DNM2: variants seen among roughly 807,000 people sequenced by gnomAD.
DNM2 encodes dynamin 2, also known as dynamin-2.
Under a neutral mutation model 99.0 loss-of-function variants are expected in DNM2, and 15 were observed. The observed-to-expected ratio is 0.15, with a 90% confidence interval of 0.10 to 0.23. The LOEUF is 0.23. DNM2 is among the 10% of genes least tolerant of loss of function. DNM2 has a pLI of 1.00. For synonymous variants in DNM2, 525 were observed against 481.2 expected (o/e 1.09, Z -1.19); for missense variants, 742 against 1,189.4 (o/e 0.62, Z 5.53).
In DNM2 at chr19:10,811,774, TCAAAA is replaced by T. The variant is rs751961744; in HGVS notation, c.1558-489_1558-485del. ...CCAGCCTGAAACCCTGATGTGTCAG[TCAAAA>T]GGATGACCACCAGGCTTGCAGCCAG... On this transcript the variant is annotated intron_variant, in intron 14 of 20. Coordinates refer to ENST00000389253, the MANE Select transcript of DNM2 (RefSeq NM_001005361.3). This position sits in a 1 kb window ranked among gnomAD's most constrained non-coding sequence, Gnocchi z 5.4. 1.9e-6 allele frequency: 1 copy of T among 518,382 alleles called. No homozygotes were observed. The highest frequency in any genetic ancestry group is 1.9e-5 in the African/African-American group (1 of 51,918). 32.1% of individuals were successfully genotyped at this position (518,382 alleles called of 1,614,324 possible). A position where few individuals can be genotyped will look rare whatever the true frequency, so the allele number is the denominator to read the frequency against.
chr19:10,771,649 A>G (rs535632710), intron 2 of DNM2, among the ~76,000 whole-genome samples: 2 of 152,286 alleles, frequency 1.3e-5, no homozygotes, highest in South Asian at 4.1e-4. Context: ...GGACTTGGGC[A>G]TCGAACTCCC....
chr19:10,794,622 G>C (rs1268546069), intron 8 of DNM2, among the ~76,000 whole-genome samples: 1 of 151,922 alleles, frequency 6.6e-6, no homozygotes, highest in Non-Finnish European at 1.5e-5. Flanking sequence ...TGTGCCTGTA[G>C]TCCTAGCTAC....
At chr19:10,788,353 C>T (rs907355157) in intron 7 of DNM2, among the ~76,000 whole-genome samples, 4 of 152,124 alleles carry the variant, frequency 2.6e-5, no homozygotes, top group Non-Finnish European at 4.4e-5. Flanking sequence ...AGGACTGGGC[C>T]GGGCATGTCA....
At position 10,825,694 on chromosome 19, in the gene DNM2, A is replaced by G. The variant is rs199792059; in HGVS notation, c.2058+473A>G. ...AAGAAAAGAGAGAGAGAGAGAGAGA[A>G]AAATACAAAAAGTAGCCGGGCATGG... is the stretch of plus-strand genomic sequence containing the variant. On this transcript the variant is annotated intron_variant, in intron 18 of 20. Coordinates refer to ENST00000389253, the MANE Select transcript of DNM2 (RefSeq NM_001005361.3). Among the ~76,000 whole-genome samples the G allele has an allele frequency of 9.2e-4, 132 of 143,898 alleles. 1 individual carries two copies. Among genetic ancestry groups the G allele is most frequent in the Admixed American group, 1.2e-3 (18 of 14,806 alleles). The allele number at this position is 143,898 out of a possible 152,430, so 94.4% of individuals were successfully genotyped here.
rs749154067 is a variant in DNM2, at chr19:10,798,502, G to A, written c.1352G>A (p.Arg451Gln). 26 of 1,613,890 alleles carry A rather than the reference G, an allele frequency of 1.6e-5. No individual in the cohort carries two copies. The highest frequency in any genetic ancestry group is 1.6e-4 in the East Asian group (7 of 44,858). ...KCAEKLSSYP[R>Q]LREETERIVT... is the part of the protein sequence containing the mutation. ...TTCCCCCAGCTCAGTTCCTACCCCC[G>A]GTTGCGAGAGGAGACAGAGCGAATC... The change falls in exon 11 of 21, where the codon CGG becomes CAG. Residue 451 changes from arginine to glutamine, a missense_variant. By Grantham distance (43) the Arg-to-Gln change is conservative. Coordinates refer to ENST00000389253, the MANE Select transcript of DNM2 (RefSeq NM_001005361.3).
chr19:10,816,435 C>T lies in DNM2; in HGVS notation c.1672-3545C>T, dbSNP rs578097635. 1.3e-5 allele frequency among the ~76,000 whole-genome samples: 2 copies of T among 152,250 alleles called. No individual in the cohort carries two copies. The highest frequency in any genetic ancestry group is 4.1e-4 in the South Asian group (2 of 4,830). Reference sequence around the variant, plus strand: ...GGGTCCCTGTGGAAGCTTCCAGAACCTCAGATCCAGCGAACCTCATGGGGT... The same window carrying T: ...GGGTCCCTGTGGAAGCTTCCAGAACTTCAGATCCAGCGAACCTCATGGGGT... On this transcript the variant is annotated intron_variant, in intron 15 of 20. Transcript: ENST00000389253. This position sits in a 1 kb window ranked among gnomAD's most constrained non-coding sequence, Gnocchi z 4.6.
chr19:10,775,818 G>C lies in DNM2; in HGVS notation c.501G>C (p.Glu167Asp), dbSNP rs751712223. Residue 167 changes from glutamate (E) to aspartate (D), a missense_variant, in exon 4 of 21, where the codon GAG (glutamate) becomes GAC (aspartate). This residue lies in a region of DNM2 where 192 missense variants were observed against 358.9 expected (regional missense o/e 0.54). Transcript: ENST00000389253. The surrounding 1 kb of genome is among the most constrained non-coding windows in gnomAD (Gnocchi z 4.3). ...KDMILQFISR[E>D]SSLILAVTPA... ...TGATCCTGCAGTTCATCAGCCGGGA[G>C]AGCAGCCTCATTCTGGCTGTCACGC... 1.2e-6 allele frequency: 2 copies of C among 1,614,014 alleles called. No homozygotes were observed. Among genetic ancestry groups the C allele is most frequent in the East Asian group, 2.2e-5 (1 of 44,894 alleles).
chr19:10,801,254 C>G (rs145863666), intron 11 of DNM2, among the ~76,000 whole-genome samples: 1 of 151,780 alleles, frequency 6.6e-6, no homozygotes, highest in East Asian at 1.9e-4. Flanking sequence ...TGCAGTGAGC[C>G]GAGATTACGC....
At chr19:10,780,124 G>A (rs1349673442) in intron 5 of DNM2, 1 of 152,302 alleles carries the variant, frequency 6.6e-6, no homozygotes, top group Admixed American at 6.6e-5. Flanking sequence ...TCAGACCTTG[G>A]TTGCCAGCAT....
At chr19:10,758,535 T>G (rs531117193) in intron 1 of DNM2, among the ~76,000 whole-genome samples, 3 of 57,890 alleles carry the variant, frequency 5.2e-5, no homozygotes, top group African/African-American at 2.1e-4. Context: ...TTCCCTCCCC[T>G]CCCTCCCTTC....
Position 10,775,141 on chromosome 19 carries a change from G to A in DNM2, c.386-562G>A, listed in dbSNP as rs1343312872. ...CTGTCGCCCAGGCTGGAGTGCAGTG[G>A]TATGATCTCAGCTCACTGCAACCTC... On this transcript the variant is annotated intron_variant, in intron 3 of 20. Transcript: ENST00000389253. This position sits in a 1 kb window ranked among gnomAD's most constrained non-coding sequence, Gnocchi z 4.3. 1.3e-5 allele frequency among the ~76,000 whole-genome samples: 2 copies of A among 152,022 alleles called. No individual in the cohort carries two copies. The highest frequency in any genetic ancestry group is 4.8e-5 in the African/African-American group (2 of 41,386).
chr19:10,723,339 G>C (rs183239134), intron 1 of DNM2, among the ~76,000 whole-genome samples: 147 of 152,080 alleles, frequency 9.7e-4, no homozygotes, highest in African/African-American at 3.4e-3. Flanking sequence ...TCCCGTGTTG[G>C]TCAGGCTGGT....
chr19:10,741,073 A>G lies in DNM2; in HGVS notation c.162-18665A>G, dbSNP rs78512433. 6.5e-3 allele frequency among the ~76,000 whole-genome samples: 984 copies of G among 152,210 alleles called. 19 individuals are homozygous for G. Among genetic ancestry groups the G allele is most frequent in the African/African-American group, 0.023 (938 of 41,514 alleles). On this transcript the variant is annotated intron_variant, in intron 1 of 20. Transcript: ENST00000389253. ...TACTCTTGGGTGGAGTGTTCTGTAC[A>G]CATCTGTCAGGTCTTATTGGTTTCG... is the stretch of plus-strand genomic sequence containing the variant.
At chr19:10,751,175 A>G (rs1017795595) in intron 1 of DNM2, among the ~76,000 whole-genome samples, 4 of 151,956 alleles carry the variant, frequency 2.6e-5, no homozygotes, top group Admixed American at 2.6e-4. Context: ...CTCTGAGGAA[A>G]TGTCATTCGA....
Position 10,796,844 on chromosome 19 carries a change from A to ACGC in DNM2, c.1197-532_1197-530dup, listed in dbSNP as rs1345861698. On this transcript the variant is annotated intron_variant, in intron 9 of 20. Transcript: ENST00000389253. This position sits in a 1 kb window ranked among gnomAD's most constrained non-coding sequence, Gnocchi z 5.6. ...CGCCGGGCTCCCCCAACCCGCGCCA[A>ACGC]CGCCGCGGGCCTGGTTCCCAGGGCA... 6.6e-6 allele frequency among the ~76,000 whole-genome samples: 1 copy of ACGC among 152,054 alleles called. No individual in the cohort carries two copies. Among genetic ancestry groups the ACGC allele is most frequent in the Non-Finnish European group, 1.5e-5 (1 of 68,012 alleles).
chr19:10,742,345 CA>C (rs2069784390), intron 1 of DNM2, among the ~76,000 whole-genome samples: 1 of 152,156 alleles, frequency 6.6e-6, no homozygotes, highest in Non-Finnish European at 1.5e-5. Context: ...GTTGTGGTGC[CA>C]GGCATTGACA....
At chr19:10,722,236 C>T (rs1210078574) in intron 1 of DNM2, among the ~76,000 whole-genome samples, 2 of 152,156 alleles carry the variant, frequency 1.3e-5, no homozygotes, top group Non-Finnish European at 2.9e-5. Context: ...GCCACTCCAG[C>T]TGCCACAGTC....
chr19:10,725,298 T>G (rs1156649018), intron 1 of DNM2, among the ~76,000 whole-genome samples: 1 of 151,924 alleles, frequency 6.6e-6, no homozygotes, highest in African/African-American at 2.4e-5. Flanking sequence ...ATACAAAAAT[T>G]AGCCAGGTGT....
chr19:10,751,853 G>C (rs954803155), intron 1 of DNM2, among the ~76,000 whole-genome samples: 1 of 152,212 alleles, frequency 6.6e-6, no homozygotes, highest in Non-Finnish European at 1.5e-5. Flanking sequence ...TTAAACACTC[G>C]AACAAAGGAT....
Sources: allele counts gnomAD v4.1 joint callset (sites outside exome capture counted in the v4.1 genomes callset), GRCh38; gene constraint gnomAD v4.1.1; regional missense constraint gnomAD v4.1.1; non-coding constraint Gnocchi (gnomAD v3.1); transcripts MANE v1.5; gene names NCBI Gene and HGNC (gene_info 2026-07-23, HGNC 2026-07-21).